NDST4: variants seen among roughly 807,000 people sequenced by gnomAD.
NDST4 encodes N-heparan sulfate sulfotransferase 4.
Under a neutral mutation model 100.8 loss-of-function variants are expected in NDST4, and 63 were observed. That is an observed-to-expected ratio of 0.62 (90% confidence interval 0.51 to 0.77). The LOEUF (loss-of-function observed/expected upper bound fraction) is 0.77, where lower values mean the gene tolerates loss of function less well. Ranked by LOEUF, NDST4 falls within the 30% of genes least tolerant of loss-of-function variation. The probability of loss-of-function intolerance (pLI) is 0.00; values close to 1 mark genes in which losing one functional copy is unlikely to be tolerated. For synonymous variants in NDST4, 377 were observed against 361.8 expected, an observed-to-expected ratio of 1.04 and a Z score of -0.48; for missense variants, 943 against 1,018.4, an observed-to-expected ratio of 0.93 and a Z score of 1.01.
At chr4:115,039,609 T>C (rs1330640284) in intron 2 of NDST4, among the ~76,000 whole-genome samples, 1 of 152,170 alleles carries the variant, frequency 6.6e-6, no homozygotes, top group Admixed American at 6.5e-5. Flanking sequence ...AACTCATTTA[T>C]TAAAATAAAA....
chr4:115,102,882 T>C (rs1218767761), intron 1 of NDST4, among the ~76,000 whole-genome samples: 1 of 151,926 alleles, frequency 6.6e-6, no homozygotes, highest in Non-Finnish European at 1.5e-5. Context: ...CTAATTTTTG[T>C]ATTTTTAGTA....
intron 2 of NDST4, among the ~76,000 whole-genome samples, chr4:114,984,551 T>C (rs1726856809): frequency 6.6e-6 from 1 of 152,186 alleles, no homozygotes; most frequent in Non-Finnish European, 1.5e-5. Flanking sequence ...TTATCATACT[T>C]AATAGCTCAA....
chr4:115,106,009 C>A (rs1400701614), intron 1 of NDST4, among the ~76,000 whole-genome samples: 1 of 151,986 alleles, frequency 6.6e-6, no homozygotes, highest in Non-Finnish European at 1.5e-5. Context: ...ATTGGTCAAG[C>A]ACTCTCTAAG....
intron 2 of NDST4, among the ~76,000 whole-genome samples, chr4:115,030,149 A>G (rs1379124471): frequency 6.6e-6 from 1 of 152,140 alleles, no homozygotes; most frequent in Admixed American, 6.6e-5. Flanking sequence ...ATGCTTATAA[A>G]TGGATAGAGA....
chr4:115,019,859 T>C (rs953895705), intron 2 of NDST4, among the ~76,000 whole-genome samples: 3 of 152,094 alleles, frequency 2.0e-5, no homozygotes, highest in African/African-American at 7.2e-5. Context: ...AATTGTGCTT[T>C]TGCCTTCTGC....
intron 2 of NDST4, among the ~76,000 whole-genome samples, chr4:115,060,759 A>G (rs538831694): frequency 3.0e-4 from 45 of 151,924 alleles, no homozygotes; most frequent in African/African-American, 1.1e-3. Context: ...ACACACACAC[A>G]GAGAGATACA....
At chr4:115,061,912 G>A (rs554130500) in intron 2 of NDST4, among the ~76,000 whole-genome samples, 71 of 151,866 alleles carry the variant, frequency 4.7e-4, no homozygotes, top group Admixed American at 1.5e-3. Flanking sequence ...TATATGAGAG[G>A]AAAAAAGTGA....
At chr4:114,946,832 G>T (rs1048004707) in intron 4 of NDST4, among the ~76,000 whole-genome samples, 1 of 152,038 alleles carries the variant, frequency 6.6e-6, no homozygotes, top group Non-Finnish European at 1.5e-5. Context: ...TAAAAACATT[G>T]TTATGATGAT....
intron 3 of NDST4, among the ~76,000 whole-genome samples, chr4:114,975,889 C>A (rs1726622279): frequency 1.3e-5 from 2 of 152,062 alleles, no homozygotes; most frequent in Admixed American, 6.6e-5. Flanking sequence ...ATTTACAAAA[C>A]CATGTCTATT....
At chr4:115,082,090 G>T (rs1268389604) in intron 1 of NDST4, among the ~76,000 whole-genome samples, 6 of 152,096 alleles carry the variant, frequency 3.9e-5, no homozygotes, top group Non-Finnish European at 8.8e-5. Flanking sequence ...AAGAAAAAAA[G>T]GGAGGCTTTT....
chr4:114,998,927 G>A (rs552200924), intron 2 of NDST4, among the ~76,000 whole-genome samples: 2 of 151,998 alleles, frequency 1.3e-5, no homozygotes, highest in Admixed American at 6.6e-5. Flanking sequence ...CCTATTGTGT[G>A]GCCTAAACTT....
chr4:115,053,814 T>G (rs1230333289), intron 2 of NDST4, among the ~76,000 whole-genome samples: 2 of 152,166 alleles, frequency 1.3e-5, no homozygotes, highest in Non-Finnish European at 2.9e-5. Flanking sequence ...TGATCAACAT[T>G]CTACTGGTTC....
chr4:114,940,726 G>A lies in NDST4; in HGVS notation c.1222-3223C>T, dbSNP rs553116085. Among the ~76,000 whole-genome samples the A allele has an allele frequency of 2.4e-4, 37 of 152,306 alleles. 1 individual carries two copies. In the South Asian group the frequency reaches 7.5e-3, roughly 31 times the overall value. ...TTGTCCAGTGCTGAGGAAGAGTCAG[G>A]TCCTATGAAGGAATTGAAGGGTGGT... On this transcript the variant is annotated intron_variant, in intron 4 of 13. Coordinates refer to ENST00000264363, the MANE Select transcript of NDST4 (RefSeq NM_022569.3).
intron 4 of NDST4, among the ~76,000 whole-genome samples, chr4:114,950,481 C>T (rs1406463743): frequency 6.6e-6 from 1 of 151,950 alleles, no homozygotes; most frequent in African/African-American, 2.4e-5. Flanking sequence ...TAAAATGTTG[C>T]CAGCAACATA....
chr4:115,022,630 A>G (rs1415708452), intron 2 of NDST4, among the ~76,000 whole-genome samples: 5 of 151,856 alleles, frequency 3.3e-5, no homozygotes, highest in Admixed American at 6.6e-5. Flanking sequence ...GGAATGGTAA[A>G]CCAAATGAAA....
chr4:115,040,881 CAAAAGGATAATA>C, intron 2 of NDST4, among the ~76,000 whole-genome samples: 1 of 151,792 alleles, frequency 6.6e-6, no homozygotes, highest in Middle Eastern at 3.2e-3. Context: ...TGTATTAAAT[CAAAAGGATAATA>C]AAAACAAAAA....
intron 6 of NDST4, among the ~76,000 whole-genome samples, chr4:114,922,002 G>A (rs570900394): frequency 2.8e-4 from 41 of 147,098 alleles, no homozygotes; most frequent in African/African-American, 9.0e-4. Context: ...TGTTACAGTC[G>A]GTAGTTAGTC....
intron 2 of NDST4, among the ~76,000 whole-genome samples, chr4:115,065,055 C>T (rs1728916206): frequency 6.6e-6 from 1 of 152,058 alleles, no homozygotes; most frequent in Non-Finnish European, 1.5e-5. Flanking sequence ...AGGCTGAAAA[C>T]AATAGTGATG....
intron 2 of NDST4, among the ~76,000 whole-genome samples, chr4:115,051,335 TACC>T (rs1327481569): frequency 1.3e-5 from 2 of 152,136 alleles, no homozygotes; most frequent in East Asian, 1.9e-4. Context: ...ATACAAAATT[TACC>T]ACATTTACCC....
Sources: allele counts gnomAD v4.1 joint callset (sites outside exome capture counted in the v4.1 genomes callset), GRCh38; gene constraint gnomAD v4.1.1; transcripts MANE v1.5; gene names NCBI Gene and HGNC (gene_info 2026-07-23, HGNC 2026-07-21).